The following GRID1 variants were observed in gnomAD, a reference collection of about 807,000 sequenced individuals.
GRID1 encodes the protein glutamate receptor ionotropic, delta-1.
GRID1 carries 28 observed loss-of-function variants against 98.0 expected under a neutral mutation model. That is an observed-to-expected ratio of 0.29 (90% CI 0.21 to 0.39). The LOEUF is 0.39. GRID1 is among the 10% of genes least tolerant of loss of function. GRID1 has a pLI of 1.00. For missense variants in GRID1, 1,111 were observed against 1,340.5 expected (o/e 0.83, Z 2.67); for synonymous variants, 553 against 538.5 (o/e 1.03, Z -0.37).
At position 85,777,161 on chromosome 10, in the gene GRID1, T is replaced by C. The variant is rs375006799; in HGVS notation, c.1234-47547A>G. Among the ~76,000 whole-genome samples, 6 of 152,280 alleles carry C rather than the reference T, an allele frequency of 3.9e-5. No homozygotes were observed. In the East Asian group the frequency reaches 1.2e-3, roughly 29 times the overall value. On this transcript the variant is annotated intron_variant, in intron 8 of 15. Transcript: ENST00000327946. ...ACCTTCTCCTCTGGCCTACCAACCA[T>C]GCCCTCTGCCCTAATAAGTGGGCAT...
chr10:86,320,279 C>T (rs990215062), intron 2 of GRID1, among the ~76,000 whole-genome samples: 19 of 152,232 alleles, frequency 1.2e-4, no homozygotes, highest in Non-Finnish European at 2.5e-4. Flanking sequence ...ACACCCAGGC[C>T]ACCTCCTGAG....
At chr10:85,884,189 A>G (rs1448880692) in intron 5 of GRID1, among the ~76,000 whole-genome samples, 4 of 152,148 alleles carry the variant, frequency 2.6e-5, no homozygotes, top group Non-Finnish European at 5.9e-5. Context: ...AATGTATTAT[A>G]TCTGGCTTTT....
At chr10:86,304,128 C>A (rs1030658913) in intron 2 of GRID1, among the ~76,000 whole-genome samples, 23 of 152,226 alleles carry the variant, frequency 1.5e-4, no homozygotes, top group African/African-American at 5.5e-4. Flanking sequence ...GGGCCTACCC[C>A]AGCTCACTCC....
intron 3 of GRID1, among the ~76,000 whole-genome samples, chr10:86,177,320 G>A (rs939015504): frequency 2.0e-5 from 3 of 152,180 alleles, no homozygotes; most frequent in Non-Finnish European, 2.9e-5. Flanking sequence ...CACCCCGTGG[G>A]AAAACCCTGC....
chr10:86,138,893 T>C lies in GRID1; in HGVS notation c.652A>G (p.Asn218Asp). ...LFTTMKTEELNRYRDTLRRAI... is the reference protein window; with the variant it reads ...LFTTMKTEELDRYRDTLRRAI... The stretch of plus-strand genomic sequence containing the variant: ...CGGCGAAGCGTGTCCCGGTAGCGAT[T>C]CAGCTCCTCTGTCTTCATCGTGGTG... The change falls in exon 4 of 16, where the codon AAT becomes GAT. Residue 218 changes from asparagine to aspartate, a missense_variant. Physicochemically the swap from Asn to Asp is conservative, Grantham distance 23 (BLOSUM62 1). Around this residue, in one of 3 missense-constraint regions of GRID1, gnomAD observed 346 missense variants for 452.3 expected, o/e 0.76. Transcript: ENST00000327946. 1.9e-6 allele frequency: 3 copies of C among 1,614,226 alleles called. No homozygotes were observed. In the South Asian group the frequency reaches 3.3e-5, roughly 18 times the overall value.
intron 12 of GRID1, among the ~76,000 whole-genome samples, chr10:85,707,576 C>G (rs1477717148): frequency 6.6e-6 from 1 of 152,190 alleles, no homozygotes; most frequent in Admixed American, 6.5e-5. Context: ...GGATCTAGAA[C>G]TAGAAGTACC....
chr10:85,875,216 C>G (rs1243305467), intron 5 of GRID1, among the ~76,000 whole-genome samples: 1 of 152,100 alleles, frequency 6.6e-6, no homozygotes, highest in African/African-American at 2.4e-5. Context: ...TATAGAAAGA[C>G]AGCCCTTGCT....
chr10:85,779,345 ATCTC>A (rs931182994), intron 8 of GRID1, among the ~76,000 whole-genome samples: 3 of 152,108 alleles, frequency 2.0e-5, no homozygotes, highest in African/African-American at 7.2e-5. Flanking sequence ...GGAGAGTGAA[ATCTC>A]TCTAACTTGA....
intron 4 of GRID1, among the ~76,000 whole-genome samples, chr10:86,100,878 G>C (rs1360838286): frequency 1.3e-5 from 2 of 152,184 alleles, no homozygotes; most frequent in African/African-American, 2.4e-5. Flanking sequence ...GCTGGAAGCA[G>C]AGCCCACCAA....
intron 8 of GRID1, among the ~76,000 whole-genome samples, chr10:85,757,060 T>G (rs1487741272): frequency 6.6e-6 from 1 of 152,182 alleles, no homozygotes; most frequent in Non-Finnish European, 1.5e-5. Context: ...AAAATGTACC[T>G]GAGTTAAGCA....
chr10:86,123,804 G>T (rs1844712626), intron 4 of GRID1, among the ~76,000 whole-genome samples: 1 of 152,228 alleles, frequency 6.6e-6, no homozygotes, highest in South Asian at 2.1e-4. Context: ...TTAATAATGT[G>T]CAAAGCTCTT....
chr10:85,720,618 A>C (rs1168348282), intron 12 of GRID1, among the ~76,000 whole-genome samples: 1 of 149,420 alleles, frequency 6.7e-6, no homozygotes, highest in Non-Finnish European at 1.5e-5. Context: ...GCATCCATAG[A>C]CCAAAACAAA....
chr10:85,890,802 G>A (rs576931104), intron 5 of GRID1, among the ~76,000 whole-genome samples: 10 of 152,116 alleles, frequency 6.6e-5, no homozygotes, highest in Non-Finnish European at 1.3e-4. Flanking sequence ...GAAAAAGGGA[G>A]AGGGGAGAAA....
rs1321260955 is a variant in GRID1, at chr10:85,895,180, C to A, written c.780+21006G>T. On this transcript the variant is annotated intron_variant, in intron 5 of 15. Transcript: ENST00000327946. ...TCAACTCTCAGCAGCTCCTGTTAGC[C>A]CCACCTTTGAAACTCCTGAGCCTGA... is the stretch of plus-strand genomic sequence containing the variant. Among the ~76,000 whole-genome samples the A allele has an allele frequency of 2.0e-5, 3 of 151,716 alleles. No homozygotes were observed. In the South Asian group the frequency reaches 6.3e-4, roughly 32 times the overall value.
intron 4 of GRID1, among the ~76,000 whole-genome samples, chr10:86,124,205 A>C (rs1255711246): frequency 6.6e-6 from 1 of 152,160 alleles, no homozygotes; most frequent in Non-Finnish European, 1.5e-5. Flanking sequence ...CATGCTGCTC[A>C]CCTGCTCACA....
chr10:85,714,482 T>C (rs1841616546), intron 12 of GRID1, among the ~76,000 whole-genome samples: 1 of 152,070 alleles, frequency 6.6e-6, no homozygotes, highest in South Asian at 2.1e-4. Flanking sequence ...GCAGATGACG[T>C]GATCTATAAA....
At chr10:86,185,716 C>G (rs190290704) in intron 3 of GRID1, among the ~76,000 whole-genome samples, 2 of 152,212 alleles carry the variant, frequency 1.3e-5, no homozygotes, top group Admixed American at 1.3e-4. Context: ...CATAATCATA[C>G]GTGTTTTCTT....
chr10:85,926,682 C>T (rs773490720), intron 4 of GRID1, among the ~76,000 whole-genome samples: 14 of 152,152 alleles, frequency 9.2e-5, no homozygotes, highest in Non-Finnish European at 1.8e-4. Flanking sequence ...AAAGGCCCCA[C>T]CCACAGAATG....
At chr10:85,680,694 C>A (rs921762757) in intron 12 of GRID1, among the ~76,000 whole-genome samples, 2 of 152,160 alleles carry the variant, frequency 1.3e-5, no homozygotes, top group Non-Finnish European at 2.9e-5. Flanking sequence ...TATCACAGTA[C>A]TACTCACAAT....
Sources: gnomAD v4.1 joint callset for allele counts (sites outside exome capture counted in the v4.1 genomes callset) on GRCh38, gnomAD v4.1.1 for gene constraint, gnomAD v4.1.1 regional missense constraint, MANE v1.5 for transcripts, NCBI Gene and HGNC (gene_info 2026-07-23, HGNC 2026-07-21) for gene names.